AGAP1: variants seen among roughly 807,000 people sequenced by gnomAD.
AGAP1 encodes the protein ArfGAP with GTPase domain, ankyrin repeat and PH domain 1.
A neutral mutation model predicts 105.3 loss-of-function variants in AGAP1; 29 were observed. The observed-to-expected ratio is 0.28, with a 90% confidence interval of 0.21 to 0.38. AGAP1 has a LOEUF of 0.38. Among genes scored for constraint, AGAP1 ranks in the 10% least tolerant of loss-of-function variants. The pLI, the probability that AGAP1 is intolerant of heterozygous loss-of-function variation, is 1.00. For synonymous variants in AGAP1, 509 were observed against 485.9 expected (o/e 1.05, Z -0.63); for missense variants, 998 against 1,165.1 (o/e 0.86, Z 2.09).
chr2:235,738,175 G>A (rs1476044962), intron 3 of AGAP1, among the ~76,000 whole-genome samples: 2 of 152,112 alleles, frequency 1.3e-5, no homozygotes, highest in African/African-American at 4.8e-5. Context: ...AAAGAAGTGT[G>A]GGTGATTTCA....
rs1419345341 is a variant in AGAP1, at chr2:235,577,550, G to A, written c.163+82701G>A. Among the ~76,000 whole-genome samples the A allele has an allele frequency of 1.3e-5, 2 of 152,140 alleles. No homozygotes were observed. Among genetic ancestry groups the A allele is most frequent in the African/African-American group, 2.4e-5 (1 of 41,422 alleles). ...GCTCCTGTGTCCCTGGTCGCTTGCT[G>A]GAGTCGGTGGGAGCTGAGAGTCCCT... is the stretch of plus-strand genomic sequence containing the variant. On this transcript the variant is annotated intron_variant, in intron 1 of 17. Transcript: ENST00000304032. This position sits in a 1 kb window ranked among gnomAD's most constrained non-coding sequence, Gnocchi z 4.5.
intron 1 of AGAP1, among the ~76,000 whole-genome samples, chr2:235,558,915 T>C (rs1331579433): frequency 6.6e-6 from 1 of 152,122 alleles, no homozygotes; most frequent in Admixed American, 6.6e-5. Flanking sequence ...AAAAGTTCAT[T>C]ACACGTCATT....
chr2:235,809,777 T>C (rs534574192), intron 9 of AGAP1, among the ~76,000 whole-genome samples: 1 of 152,228 alleles, frequency 6.6e-6, no homozygotes, highest in South Asian at 2.1e-4. Context: ...GACTTCAGTG[T>C]GGAAATGAAA....
In AGAP1 at chr2:235,994,296, T is replaced by G. The variant is rs2055694992; in HGVS notation, c.1645+25673T>G. On this transcript the variant is annotated intron_variant, in intron 13 of 17. Transcript: ENST00000304032. This position sits in a 1 kb window ranked among gnomAD's most constrained non-coding sequence, Gnocchi z 4.4. ...GCATTTCTCCATGTCTGTGCTTTTA[T>G]GCCCTCCTGAAAGCTGGTTCCATTT... is the stretch of plus-strand genomic sequence containing the variant. Among the ~76,000 whole-genome samples the G allele has an allele frequency of 6.6e-6, 1 of 152,260 alleles. No individual in the cohort carries two copies. The highest frequency in any genetic ancestry group is 1.5e-5 in the Non-Finnish European group (1 of 68,048).
At chr2:235,671,334 G>T (rs1182694087) in intron 1 of AGAP1, among the ~76,000 whole-genome samples, 1 of 152,180 alleles carries the variant, frequency 6.6e-6, no homozygotes, top group East Asian at 1.9e-4. Context: ...AGCCGGCGCC[G>T]ACCTCCTTCG....
rs2149695248 is a variant in AGAP1, at chr2:235,747,600, T to C, written c.539-2754T>C. ...TGTATTCCTCACCTGCGGGATTCTC[T>C]TGGTCCTTCCCTAGACTTCAGGGAG... On this transcript the variant is annotated intron_variant, in intron 5 of 17. Transcript: ENST00000304032. This position sits in a 1 kb window ranked among gnomAD's most constrained non-coding sequence, Gnocchi z 5.0. 6.6e-6 allele frequency among the ~76,000 whole-genome samples: 1 copy of C among 152,326 alleles called. No individual in the cohort carries two copies. Among genetic ancestry groups the C allele is most frequent in the South Asian group, 2.1e-4 (1 of 4,828 alleles).
rs548471439 is a variant in AGAP1, at chr2:236,058,110, C to T, written c.2114+8829C>T. ...AGTCAGCATCCCTAGGGGGTAGGGTCCAGTGGTGTGTTTTAACTCTCTAGG... is the reference window on the plus strand; with the variant it reads ...AGTCAGCATCCCTAGGGGGTAGGGTTCAGTGGTGTGTTTTAACTCTCTAGG... On this transcript the variant is annotated intron_variant, in intron 16 of 17. Coordinates refer to ENST00000304032, the MANE Select transcript of AGAP1 (RefSeq NM_001037131.3). This position sits in a 1 kb window ranked among gnomAD's most constrained non-coding sequence, Gnocchi z 4.6. Among the ~76,000 whole-genome samples, 1 of 152,148 alleles carries T rather than the reference C, an allele frequency of 6.6e-6. No individual in the cohort carries two copies. The highest frequency in any genetic ancestry group is 2.4e-5 in the African/African-American group (1 of 41,422).
rs1368191402 is a variant in AGAP1, at chr2:235,655,100, C to G, written c.164-54079C>G. ...TTTTTTTTTTTGAGTTGTGTGTTAACAGAAACCTTTGTGCATTTGACACAA... is the reference window on the plus strand; with the variant it reads ...TTTTTTTTTTTGAGTTGTGTGTTAAGAGAAACCTTTGTGCATTTGACACAA... On this transcript the variant is annotated intron_variant, in intron 1 of 17. Coordinates refer to ENST00000304032, the MANE Select transcript of AGAP1 (RefSeq NM_001037131.3). This position sits in a 1 kb window ranked among gnomAD's most constrained non-coding sequence, Gnocchi z 4.3. 6.7e-6 allele frequency among the ~76,000 whole-genome samples: 1 copy of G among 148,406 alleles called. No individual in the cohort carries two copies. Among genetic ancestry groups the G allele is most frequent in the Non-Finnish European group, 1.5e-5 (1 of 67,398 alleles).
In AGAP1 at chr2:235,750,582, G is replaced by A; in HGVS notation, c.673+94G>A. 4.5e-6 allele frequency: 7 copies of A among 1,569,446 alleles called. No individual in the cohort carries two copies. The highest frequency in any genetic ancestry group is 6.1e-6 in the Non-Finnish European group (7 of 1,144,916). On this transcript the variant is annotated intron_variant, in intron 6 of 17. Coordinates refer to ENST00000304032, the MANE Select transcript of AGAP1 (RefSeq NM_001037131.3). This position sits in a 1 kb window ranked among gnomAD's most constrained non-coding sequence, Gnocchi z 5.3. ...CTGCCTGCACTTGTGCATGTGGGTG[G>A]TGGAAATATGTCGTTGATGGGTGGG...
At chr2:235,695,506 A>G (rs1355224905) in intron 1 of AGAP1, among the ~76,000 whole-genome samples, 1 of 152,220 alleles carries the variant, frequency 6.6e-6, no homozygotes, top group Non-Finnish European at 1.5e-5. Context: ...ACAGCGGCTC[A>G]GGTTACAGAC....
intron 7 of AGAP1, 92 bp downstream of exon 7, chr2:235,797,978 TC>T: frequency 2.7e-6 from 4 of 1,476,122 alleles, no homozygotes; most frequent in Non-Finnish European, 2.7e-6. Context: ...ATTTTTTTTT[TC>T]TTTTCAACTT....
At position 235,660,790 on chromosome 2, in the gene AGAP1, T is replaced by A. The variant is rs1947923375; in HGVS notation, c.164-48389T>A. On this transcript the variant is annotated intron_variant, in intron 1 of 17. Transcript: ENST00000304032. This position sits in a 1 kb window ranked among gnomAD's most constrained non-coding sequence, Gnocchi z 5.3. ...CATTGGAGCAGATGCTCCCCATACA[T>A]CATCACATCTTATTGTCGCAGCTAC... Among the ~76,000 whole-genome samples, 1 of 152,200 alleles carries A rather than the reference T, an allele frequency of 6.6e-6. No homozygotes were observed. Among genetic ancestry groups the A allele is most frequent in the Non-Finnish European group, 1.5e-5 (1 of 68,038 alleles).
At chr2:235,808,731 A>G (rs1029048461) in intron 9 of AGAP1, among the ~76,000 whole-genome samples, 1 of 152,192 alleles carries the variant, frequency 6.6e-6, no homozygotes, top group Non-Finnish European at 1.5e-5. Flanking sequence ...ATACATGATC[A>G]TCTACTGGGC....
Position 235,615,110 on chromosome 2 carries a change from C to T in AGAP1, c.164-94069C>T, listed in dbSNP as rs370434949. ...AGAGTGCAAGTACGCCTGACTCCTC[C>T]GCGCAGGGAATGAGCAGCCTCTGCT... On this transcript the variant is annotated intron_variant, in intron 1 of 17. Coordinates refer to ENST00000304032, the MANE Select transcript of AGAP1 (RefSeq NM_001037131.3). This position sits in a 1 kb window ranked among gnomAD's most constrained non-coding sequence, Gnocchi z 5.0. Among the ~76,000 whole-genome samples, 10 of 152,332 alleles carry T rather than the reference C, an allele frequency of 6.6e-5. No homozygotes were observed. In the South Asian group the frequency reaches 8.3e-4, roughly 13 times the overall value.
rs554352495 is a variant in AGAP1, at chr2:236,120,314, G to T, written c.2237G>T (p.Arg746Leu). ...CGGGCCACCGCCGACGAGGACCTGC[G>T]GACGGCCATCCTGCTGCTGGCACAC... is the stretch of plus-strand genomic sequence containing the variant. ...LLRATADEDL[R>L]TAILLLAHGS... Residue 746 changes from arginine (R) to leucine (L), a missense_variant, in exon 17 of 18, where the codon CGG (arginine) becomes CTG (leucine). Arg to Leu is a moderately radical substitution (Grantham distance 102). Around this residue, in one of 3 missense-constraint regions of AGAP1, gnomAD observed 235 missense variants for 270.7 expected, o/e 0.87. Transcript: ENST00000304032. This position sits in a 1 kb window ranked among gnomAD's most constrained non-coding sequence, Gnocchi z 6.0. The T allele has an allele frequency of 1.2e-6, 2 of 1,612,604 alleles. No homozygotes were observed. The highest frequency in any genetic ancestry group is 4.5e-5 in the East Asian group (2 of 44,854).
At chr2:235,511,374 C>T (rs915699007) in intron 1 of AGAP1, among the ~76,000 whole-genome samples, 1 of 152,080 alleles carries the variant, frequency 6.6e-6, no homozygotes, top group Non-Finnish European at 1.5e-5. Flanking sequence ...TCCCTGGGGT[C>T]TGAGCCAGGC....
intron 13 of AGAP1, among the ~76,000 whole-genome samples, chr2:236,008,273 A>T (rs770737538): frequency 6.6e-6 from 1 of 152,200 alleles, no homozygotes; most frequent in Non-Finnish European, 1.5e-5. Flanking sequence ...TATACCCAGA[A>T]GTAGGGGAAG....
chr2:235,662,694 G>A lies in AGAP1; in HGVS notation c.164-46485G>A, dbSNP rs932559363. ...GCCGAAGTTGGTGATTTTGAACAGA[G>A]GAAAGATAGCACAGTGTCATAACTC... On this transcript the variant is annotated intron_variant, in intron 1 of 17. Transcript: ENST00000304032. This position sits in a 1 kb window ranked among gnomAD's most constrained non-coding sequence, Gnocchi z 4.2. Among the ~76,000 whole-genome samples, 8 of 151,996 alleles carry A rather than the reference G, an allele frequency of 5.3e-5. No individual in the cohort carries two copies. The highest frequency in any genetic ancestry group is 1.0e-4 in the Non-Finnish European group (7 of 67,994).
At chr2:235,638,725 T>C (rs996177324) in intron 1 of AGAP1, among the ~76,000 whole-genome samples, 2 of 152,208 alleles carry the variant, frequency 1.3e-5, no homozygotes, top group Admixed American at 6.5e-5. Context: ...ACATGGCTGC[T>C]CTGGCTTGCC....
Sources: gnomAD v4.1 joint callset for allele counts (sites outside exome capture counted in the v4.1 genomes callset) on GRCh38, gnomAD v4.1.1 for gene constraint, gnomAD v4.1.1 regional missense constraint, Gnocchi (gnomAD v3.1) non-coding constraint, MANE v1.5 for transcripts, NCBI Gene and HGNC (gene_info 2026-07-23, HGNC 2026-07-21) for gene names.